The following RIC1 variants were observed in gnomAD, a reference collection of about 807,000 sequenced individuals.
RIC1 encodes guanine nucleotide exchange factor subunit RIC1.
A neutral mutation model predicts 169.0 loss-of-function variants in RIC1; 88 were observed. The ratio of observed to expected loss-of-function variants is 0.52; its 90% CI spans 0.44 to 0.62. The LOEUF is 0.62. Ranked by LOEUF, RIC1 falls within the 20% of genes least tolerant of loss-of-function variation. The pLI is 0.00. For missense variants in RIC1, 1,877 were observed against 1,725.5 expected (o/e 1.09, Z -1.56); for synonymous variants, 790 against 601.5 (o/e 1.31, Z -4.59).
intron 7 of RIC1, among the ~76,000 whole-genome samples, chr9:5,734,530 T>C (rs755255843): frequency 6.6e-6 from 1 of 152,238 alleles, no homozygotes; most frequent in Non-Finnish European, 1.5e-5. Flanking sequence ...GCATAAAGTT[T>C]ATAATACCCT....
intron 2 of RIC1, among the ~76,000 whole-genome samples, chr9:5,684,340 TTTGA>T (rs1023220388): frequency 3.0e-5 from 4 of 134,622 alleles, no homozygotes; most frequent in African/African-American, 1.1e-4. Context: ...CTGCTGGGAG[TTTGA>T]TTGGGATTAC....
At chr9:5,649,237 T>A (rs1012768335) in intron 1 of RIC1, among the ~76,000 whole-genome samples, 3 of 152,208 alleles carry the variant, frequency 2.0e-5, no homozygotes, top group Non-Finnish European at 4.4e-5. Flanking sequence ...CTTAGAAAAC[T>A]GTCTAAATAA....
At chr9:5,668,220 G>A (rs4742114) in intron 2 of RIC1, among the ~76,000 whole-genome samples, 50,436 of 151,974 alleles carry the variant, frequency 0.33, 8,899 homozygotes, top group East Asian at 0.59. Context: ...ATTACCTCCC[G>A]CCAGGTCCCT....
chr9:5,691,480 T>C (rs1821587449), intron 3 of RIC1, among the ~76,000 whole-genome samples: 1 of 151,996 alleles, frequency 6.6e-6, no homozygotes, highest in South Asian at 2.1e-4. Flanking sequence ...TTTTTGATGA[T>C]GGGATTCAAT....
At chr9:5,773,887 G>A (rs1827410394) in intron 25 of RIC1, 71 bp from the exon 26 acceptor site, 6 of 1,363,888 alleles carry the variant, frequency 4.4e-6, no homozygotes, top group East Asian at 4.7e-5. Context: ...TTCAGTAGAA[G>A]TTCACCCGTA....
At chr9:5,648,787 C>T (rs1818656778) in intron 1 of RIC1, among the ~76,000 whole-genome samples, 1 of 152,106 alleles carries the variant, frequency 6.6e-6, no homozygotes, top group Non-Finnish European at 1.5e-5. Flanking sequence ...TTTGATGTAC[C>T]TGTTGGCCAT....
intron 2 of RIC1, among the ~76,000 whole-genome samples, chr9:5,671,484 C>T (rs1820102492): frequency 6.6e-6 from 1 of 151,630 alleles, no homozygotes; most frequent in Admixed American, 6.5e-5. Flanking sequence ...CCATGTTGGC[C>T]AGGCTGGTCT....
chr9:5,730,698 A>T (rs191306159), intron 6 of RIC1, among the ~76,000 whole-genome samples: 16 of 152,220 alleles, frequency 1.1e-4, no homozygotes, highest in Admixed American at 7.9e-4. Context: ...TAGCAATTCC[A>T]CAAGTGTTTG....
intron 6 of RIC1, among the ~76,000 whole-genome samples, chr9:5,727,697 A>G (rs1587040469): frequency 6.6e-6 from 1 of 152,262 alleles, no homozygotes; most frequent in East Asian, 1.9e-4. Flanking sequence ...GTCTTTGATG[A>G]TGCTGACATA....
chr9:5,723,244 C>A (rs1359482783), intron 6 of RIC1, among the ~76,000 whole-genome samples: 1 of 152,176 alleles, frequency 6.6e-6, no homozygotes, highest in Non-Finnish European at 1.5e-5. Context: ...TTAATGATCA[C>A]CATTTTAACT....
At position 5,642,365 on chromosome 9, in the gene RIC1, T is replaced by C. The variant is rs548273029; in HGVS notation, c.144+12912T>C. ...CCTGAAGCCAGCAGAGCACTGGGTC[T>C]CATCCAAGGCCTGCTGTCACCACCA... On this transcript the variant is annotated intron_variant, in intron 1 of 25. Coordinates refer to ENST00000414202, the MANE Select transcript of RIC1 (RefSeq NM_020829.4). 2.1e-5 allele frequency among the ~76,000 whole-genome samples: 3 copies of C among 143,772 alleles called. 1 individual carries two copies. The South Asian group carries it at 6.4e-4, about 31-fold the overall frequency. 94.3% of individuals were successfully genotyped at this position (143,772 alleles called of 152,430 possible). A position where few individuals can be genotyped will look rare whatever the true frequency, so the allele number is the denominator to read the frequency against.
chr9:5,659,907 G>A (rs866799671), intron 2 of RIC1, among the ~76,000 whole-genome samples: 3 of 152,074 alleles, frequency 2.0e-5, no homozygotes, highest in African/African-American at 4.8e-5. Flanking sequence ...GTAAACATGT[G>A]CTATGGTGGT....
intron 2 of RIC1, among the ~76,000 whole-genome samples, chr9:5,672,830 A>G (rs1586919282): frequency 6.6e-6 from 1 of 152,198 alleles, no homozygotes. Flanking sequence ...AATCATTCAG[A>G]GAAAAGGGAA....
intron 3 of RIC1, among the ~76,000 whole-genome samples, chr9:5,691,922 G>A (rs947194868): frequency 6.6e-6 from 1 of 151,918 alleles, no homozygotes; most frequent in Non-Finnish European, 1.5e-5. Context: ...AGTATTTTGA[G>A]ACCCACTTTT....
rs754160012 is a variant in RIC1 at position 5,757,423 on chromosome 9, A to T, written c.1964A>T (p.Asn655Ile). ...SVTLTSVSTE[N>I]GITLKMPQQA... ...ACTCTGACATCAGTGAGTACAGAGA[A>T]TGGAATCACCTTGAAAATGCCACAG... The change falls in exon 17 of 26, where the codon AAT (asparagine) becomes ATT (isoleucine). Residue 655 changes from asparagine (N) to isoleucine (I), a missense_variant. Physicochemically the swap from Asn to Ile is moderately radical, Grantham distance 149 (BLOSUM62 -3). Transcript: ENST00000414202. 4.3e-6 allele frequency: 7 copies of T among 1,613,918 alleles called. No homozygotes were observed. The highest frequency in any genetic ancestry group is 3.3e-5 in the South Asian group (3 of 91,082).
intron 4 of RIC1, chr9:5,719,377 C>T (rs2130859204): frequency 6.6e-6 from 1 of 152,302 alleles, no homozygotes; most frequent in Non-Finnish European, 1.5e-5. Context: ...TGAATATCTT[C>T]ATAAATATTG....
At position 5,749,764 on chromosome 9, in the gene RIC1, C is replaced by CTTTTTTT. The variant is rs769556596; in HGVS notation, c.1452+2283_1452+2289dup. ...TTGGTAACTGGCAGTAAAGGCGGTGCTTTTTTTTTTTTTTTTTTTTTTTTT... is the reference window on the plus strand; with the variant it reads ...TTGGTAACTGGCAGTAAAGGCGGTGCTTTTTTTTTTTTTTTTTTTTTTTTTTTTTTTT... On this transcript the variant is annotated intron_variant, in intron 12 of 25. Transcript: ENST00000414202. Among the ~76,000 whole-genome samples, 5 of 36,328 alleles carry CTTTTTTT rather than the reference C, an allele frequency of 1.4e-4. 1 individual carries two copies. The highest frequency in any genetic ancestry group is 2.3e-4 in the Non-Finnish European group (5 of 21,394). The allele number at this position is 36,328 out of a possible 152,430, so 23.8% of individuals were successfully genotyped here.
At chr9:5,777,213 A>G (rs61264165), downstream of RIC1, among the ~76,000 whole-genome samples, 1,323 of 151,958 alleles carry the variant, frequency 8.7e-3, 17 homozygotes, top group East Asian at 0.055. Flanking sequence ...GGAGTTCTTT[A>G]TATATTCTGG....
chr9:5,747,420 G>C lies in RIC1; in HGVS notation c.1367G>C (p.Arg456Pro). The C allele has an allele frequency of 1.9e-6, 3 of 1,614,078 alleles. No individual in the cohort carries two copies. Among genetic ancestry groups the C allele is most frequent in the Non-Finnish European group, 2.5e-6 (3 of 1,179,960 alleles). The change falls in exon 12 of 26, where the codon CGA becomes CCA. Residue 456 changes from arginine (R) to proline (P), a missense_variant. Transcript: ENST00000414202. ...SSTHSEHKPSREKSPFADGGL... is the reference protein window; with the variant it reads ...SSTHSEHKPSPEKSPFADGGL... ...ACACACTCTGAGCATAAGCCCAGTCGAGAAAAGAGCCCATTTGCAGATGGA... is the reference window on the plus strand; with the variant it reads ...ACACACTCTGAGCATAAGCCCAGTCCAGAAAAGAGCCCATTTGCAGATGGA...
Sources: gnomAD v4.1 joint callset for allele counts (sites outside exome capture counted in the v4.1 genomes callset) on GRCh38, gnomAD v4.1.1 for gene constraint, MANE v1.5 for transcripts, NCBI Gene and HGNC (gene_info 2026-07-23, HGNC 2026-07-21) for gene names.